The following KCNN3 variants were observed in gnomAD, a reference collection of about 807,000 sequenced individuals.
KCNN3 encodes the protein potassium calcium-activated channel subfamily N member 3, also known as small conductance calcium-activated potassium channel protein 3.
A neutral mutation model predicts 62.9 loss-of-function variants in KCNN3; 16 were observed. The ratio of observed to expected loss-of-function variants is 0.25; its 90% CI spans 0.17 to 0.39. KCNN3 has a LOEUF of 0.39. KCNN3 is among the 10% of genes least tolerant of loss of function. The probability of loss-of-function intolerance (pLI) is 1.00; values close to 1 mark genes in which losing one functional copy is unlikely to be tolerated. For synonymous variants in KCNN3, 370 were observed against 389.2 expected, an observed-to-expected ratio of 0.95 and a Z score of 0.58; for missense variants, 599 against 949.4, an observed-to-expected ratio of 0.63 and a Z score of 4.85.
chr1:154,839,769 ACTGGC>A (rs1651752043), intron 1 of KCNN3, among the ~76,000 whole-genome samples: 1 of 482 alleles, frequency 2.1e-3, no homozygotes, highest in Non-Finnish European at 7.1e-3. Context: ...GGCCCTGGCC[ACTGGC>A]CACTGGTGGA....
At chr1:154,850,234 T>TC (rs1211980774) in intron 1 of KCNN3, among the ~76,000 whole-genome samples, 1 of 151,960 alleles carries the variant, frequency 6.6e-6, no homozygotes, top group Non-Finnish European at 1.5e-5. Context: ...TTCACAAAAC[T>TC]CCTCCAAGGC....
chr1:154,821,831 A>G (rs1242949787), intron 2 of KCNN3, among the ~76,000 whole-genome samples: 1 of 152,218 alleles, frequency 6.6e-6, no homozygotes, highest in East Asian at 1.9e-4. Flanking sequence ...CTCGCTCAAC[A>G]TGAAGCCCTA....
At chr1:154,868,164 G>A (rs757373274) in intron 1 of KCNN3, 6 of 985,556 alleles carry the variant, frequency 6.1e-6, no homozygotes, top group Non-Finnish European at 7.2e-6. Context: ...GCGGGCTTGT[G>A]GGGACCGCCT....
chr1:154,837,102 G>GT (rs1434897276), intron 1 of KCNN3, among the ~76,000 whole-genome samples: 4 of 143,006 alleles, frequency 2.8e-5, no homozygotes, highest in Non-Finnish European at 6.1e-5. Flanking sequence ...CATTGTTTAA[G>GT]CCTTTTTTTT....
chr1:154,836,757 G>C (rs1275452836), intron 1 of KCNN3, among the ~76,000 whole-genome samples: 1 of 152,158 alleles, frequency 6.6e-6, no homozygotes, highest in Non-Finnish European at 1.5e-5. Flanking sequence ...AAGGAAACTC[G>C]GCTGGAGCCC....
intron 2 of KCNN3, among the ~76,000 whole-genome samples, chr1:154,795,275 T>C (rs1380432494): frequency 6.6e-6 from 1 of 152,204 alleles, no homozygotes; most frequent in Non-Finnish European, 1.5e-5. Context: ...AAGTCCCTTT[T>C]CTGACTGGCT....
chr1:154,807,012 C>T (rs968153818), intron 2 of KCNN3, among the ~76,000 whole-genome samples: 2 of 152,148 alleles, frequency 1.3e-5, no homozygotes, highest in African/African-American at 4.8e-5. Flanking sequence ...GATCCTGTCC[C>T]TCATTGTCCT....
chr1:154,819,253 A>G (rs1378359328), intron 2 of KCNN3, among the ~76,000 whole-genome samples: 4 of 152,192 alleles, frequency 2.6e-5, no homozygotes, highest in African/African-American at 9.7e-5. Flanking sequence ...GAGAATTACA[A>G]GATTGGGGGG....
At chr1:154,785,533 G>A (rs1649240728) in intron 2 of KCNN3, among the ~76,000 whole-genome samples, 3 of 149,292 alleles carry the variant, frequency 2.0e-5, no homozygotes, top group South Asian at 2.1e-4. Context: ...CATTTGGTGA[G>A]TCCAACTTGT....
chr1:154,784,851 C>G (rs1649209246), intron 2 of KCNN3, among the ~76,000 whole-genome samples: 1 of 152,208 alleles, frequency 6.6e-6, no homozygotes, highest in Admixed American at 6.5e-5. Context: ...GACAGGGAAA[C>G]TGAGGCTCGG....
intron 3 of KCNN3, among the ~76,000 whole-genome samples, chr1:154,770,696 C>G (rs1481673135): frequency 6.6e-6 from 1 of 152,184 alleles, no homozygotes; most frequent in Non-Finnish European, 1.5e-5. Context: ...CTAGGTCTCA[C>G]AGCTACTTAG....
intron 3 of KCNN3, among the ~76,000 whole-genome samples, chr1:154,771,011 T>A (rs1400758908): frequency 6.6e-6 from 1 of 151,628 alleles, no homozygotes; most frequent in Admixed American, 6.6e-5. Context: ...GAGCAGAGAC[T>A]ATGCCACTGC....
intron 3 of KCNN3, among the ~76,000 whole-genome samples, chr1:154,750,386 A>C (rs1406717506): frequency 6.6e-6 from 1 of 152,254 alleles, no homozygotes; most frequent in Admixed American, 6.5e-5. Flanking sequence ...TGCCTTCAGC[A>C]ATCCTTTTCT....
intron 1 of KCNN3, among the ~76,000 whole-genome samples, chr1:154,835,794 T>C (rs1009623529): frequency 2.2e-4 from 34 of 152,212 alleles, no homozygotes; most frequent in African/African-American, 7.5e-4. Context: ...CAGTTTCCTA[T>C]TTGATGCTGG....
At chr1:154,730,139 C>G (rs1700562694) in intron 4 of KCNN3, among the ~76,000 whole-genome samples, 1 of 152,248 alleles carries the variant, frequency 6.6e-6, no homozygotes, top group Non-Finnish European at 1.5e-5. Flanking sequence ...TTTCTCTCTA[C>G]TGTGTTGTCA....
intron 1 of KCNN3, among the ~76,000 whole-genome samples, chr1:154,846,457 C>T (rs926897867): frequency 1.3e-5 from 2 of 152,164 alleles, no homozygotes; most frequent in Non-Finnish European, 2.9e-5. Context: ...GGAGCGTCTG[C>T]CCCCCGGGAG....
At chr1:154,719,266 G>T (rs75363837) in intron 5 of KCNN3, among the ~76,000 whole-genome samples, 140 of 152,302 alleles carry the variant, frequency 9.2e-4, no homozygotes, top group Non-Finnish European at 1.8e-3. Context: ...CTACTTGGAG[G>T]TTGGAGACGG....
At chr1:154,712,020 G>C (rs1170066479) in intron 7 of KCNN3, among the ~76,000 whole-genome samples, 1 of 151,672 alleles carries the variant, frequency 6.6e-6, no homozygotes, top group Non-Finnish European at 1.5e-5. Flanking sequence ...CGGAGAGGAA[G>C]AGAGAGACAG....
rs1345040462 is a variant in KCNN3 at position 154,701,511 on chromosome 1, T to C, written c.*6465A>G. The stretch of plus-strand genomic sequence containing the variant: ...ACTTCTACATGTATGTCTCAGCTGC[T>C]CTGTAGAGAAAGAGGGGTGTAGATT... On this transcript the variant is annotated 3_prime_UTR_variant, in exon 8 of 8. Coordinates refer to ENST00000271915, the MANE Select transcript of KCNN3 (RefSeq NM_002249.6). 6.6e-6 allele frequency: 1 copy of C among 152,206 alleles called. No homozygotes were observed. The highest frequency in any genetic ancestry group is 1.5e-5 in the Non-Finnish European group (1 of 68,036). The allele number at this position is 152,206 out of a possible 1,614,324, so 9.4% of individuals were successfully genotyped here. A position where few individuals can be genotyped will look rare whatever the true frequency, so the allele number is the denominator to read the frequency against.
Sources: gnomAD v4.1 joint callset for allele counts (sites outside exome capture counted in the v4.1 genomes callset) on GRCh38, gnomAD v4.1.1 for gene constraint, MANE v1.5 for transcripts, NCBI Gene and HGNC (gene_info 2026-07-23, HGNC 2026-07-21) for gene names.